TTLL5: variants seen among roughly 807,000 people sequenced by gnomAD.
TTLL5 encodes tubulin polyglutamylase TTLL5.
TTLL5 carries 132 observed loss-of-function variants against 168.4 expected under a neutral mutation model. That is an observed-to-expected ratio of 0.78 (90% CI 0.68 to 0.91). The LOEUF (loss-of-function observed/expected upper bound fraction) is 0.91. Ranked by LOEUF, TTLL5 falls within the 40% of genes least tolerant of loss-of-function variation. TTLL5 has a pLI of 0.00. For missense variants in TTLL5, 1,545 were observed against 1,581.5 expected, an observed-to-expected ratio of 0.98 and a Z score of 0.39; for synonymous variants, 546 against 558.6, an observed-to-expected ratio of 0.98 and a Z score of 0.32.
rs138203461 is a variant in TTLL5 at position 75,951,539 on chromosome 14, T to A, written c.3824-2885T>A. Among the ~76,000 whole-genome samples the A allele has an allele frequency of 5.4e-4, 82 of 151,028 alleles. No individual in the cohort carries two copies. The East Asian group carries it at 0.016, about 29-fold the overall frequency. ...CTTTGGGAGGCCAGCGTGGGAGGAT[T>A]TCTTGAGCCCAGGAGTTCGAGACCA... On this transcript the variant is annotated intron_variant, in intron 31 of 31. Transcript: ENST00000298832.
At position 75,854,314 on chromosome 14, in the gene TTLL5, T is replaced by G. The variant is rs79354491; in HGVS notation, c.3327-9353T>G. Among the ~76,000 whole-genome samples the G allele has an allele frequency of 4.1e-3, 626 of 152,344 alleles. 2 individuals carry two copies. The highest frequency in any genetic ancestry group is 0.02 in the Middle Eastern group (6 of 294). On this transcript the variant is annotated intron_variant, in intron 28 of 31. Coordinates refer to ENST00000298832, the MANE Select transcript of TTLL5 (RefSeq NM_015072.5). The stretch of plus-strand genomic sequence containing the variant: ...TTTGTGTTTGGCTTCTTTCATTCAA[T>G]ACAGTGTTTTTGAGATTCATCTGTT...
At chr14:75,788,518 G>C (rs1277378050) in intron 26 of TTLL5, among the ~76,000 whole-genome samples, 1 of 151,868 alleles carries the variant, frequency 6.6e-6, no homozygotes, top group Non-Finnish European at 1.5e-5. Flanking sequence ...ACATAAAATG[G>C]ACCAAACTCA....
chr14:75,826,141 G>T (rs976860955), intron 28 of TTLL5, among the ~76,000 whole-genome samples: 1 of 152,134 alleles, frequency 6.6e-6, no homozygotes, highest in African/African-American at 2.4e-5. Flanking sequence ...GAAAAACGTG[G>T]ATCTTTCTTA....
rs572146553 is a variant in TTLL5 at position 75,753,104 on chromosome 14, A to G, written c.1550+149A>G. The G allele has an allele frequency of 1.2e-5, 8 of 645,626 alleles. No individual in the cohort carries two copies. In the South Asian group the frequency reaches 2.0e-4, roughly 16 times the overall value. The allele number at this position is 645,626 out of a possible 1,614,324, so 40.0% of individuals were successfully genotyped here. ...TGTAGAAAGCATGCTATCATGACTC[A>G]TTTTTCCAGAATTTATCATGAACTC... On this transcript the variant is annotated intron_variant, in intron 18 of 31. Coordinates refer to ENST00000298832, the MANE Select transcript of TTLL5 (RefSeq NM_015072.5).
intron 20 of TTLL5, among the ~76,000 whole-genome samples, chr14:75,769,106 A>G (rs1027713316): frequency 6.6e-6 from 1 of 152,252 alleles, no homozygotes; most frequent in Admixed American, 6.5e-5. Context: ...CTTTCCAGCA[A>G]TAACATTCTG....
At chr14:75,914,654 T>G (rs528158099) in intron 31 of TTLL5, among the ~76,000 whole-genome samples, 1 of 144,376 alleles carries the variant, frequency 6.9e-6, no homozygotes, top group African/African-American at 2.6e-5. Flanking sequence ...GACGGAGTCT[T>G]GCTCTGTCGC....
intron 27 of TTLL5, 125 bp from the exon 28 acceptor site, chr14:75,819,882 C>T (rs566416664): frequency 9.4e-6 from 10 of 1,058,408 alleles, no homozygotes; most frequent in Admixed American, 3.0e-5. Context: ...GCCTTTGTCA[C>T]AGCCACAGCT....
intron 28 of TTLL5, among the ~76,000 whole-genome samples, chr14:75,858,905 T>A (rs997256934): frequency 6.6e-6 from 1 of 152,172 alleles, no homozygotes; most frequent in Non-Finnish European, 1.5e-5. Flanking sequence ...TACAAGACTA[T>A]TCCTTTCATT....
chr14:75,913,192 G>C (rs990708714), intron 31 of TTLL5, among the ~76,000 whole-genome samples: 1 of 152,100 alleles, frequency 6.6e-6, no homozygotes, highest in South Asian at 2.1e-4. Context: ...CAGTATTCTC[G>C]CTCTATCATG....
At chr14:75,850,406 CAAAAAAAAA>C (rs35336374) in intron 28 of TTLL5, among the ~76,000 whole-genome samples, 4 of 91,292 alleles carry the variant, frequency 4.4e-5, no homozygotes, top group African/African-American at 1.8e-4. Flanking sequence ...AACTCCGTCT[CAAAAAAAAA>C]AAAAAAAAAA....
chr14:75,925,790 T>G (rs2034031969), intron 31 of TTLL5, among the ~76,000 whole-genome samples: 1 of 152,050 alleles, frequency 6.6e-6, no homozygotes, highest in Non-Finnish European at 1.5e-5. Flanking sequence ...AGACTCCGTC[T>G]GCAATCCCGG....
At chr14:75,813,825 A>AT (rs1470512294) in intron 27 of TTLL5, among the ~76,000 whole-genome samples, 1 of 114,392 alleles carries the variant, frequency 8.7e-6, no homozygotes, top group African/African-American at 3.8e-5. Flanking sequence ...CATGGTTTCA[A>AT]TTAAAAAAAA....
chr14:75,803,088 C>G (rs1456379334), intron 27 of TTLL5: 3 of 152,268 alleles, frequency 2.0e-5, no homozygotes, highest in Non-Finnish European at 2.9e-5. Flanking sequence ...GGAACTTGTC[C>G]TTTGTCTCTT....
chr14:75,704,199 T>A lies in TTLL5; in HGVS notation c.586-2819T>A, dbSNP rs139732105. Among the ~76,000 whole-genome samples, 611 of 152,320 alleles carry A rather than the reference T, an allele frequency of 4.0e-3. 3 individuals carry two copies. Among genetic ancestry groups the A allele is most frequent in the East Asian group, 9.6e-3 (50 of 5,190 alleles). On this transcript the variant is annotated intron_variant, in intron 7 of 31. Transcript: ENST00000298832. ...ACCACTATATCATTCTCCTTTACAA[T>A]GACTTAACAGATACCATGAGCTTTA...
At chr14:75,925,452 G>GAT (rs1360980402) in intron 31 of TTLL5, among the ~76,000 whole-genome samples, 4 of 83,296 alleles carry the variant, frequency 4.8e-5, no homozygotes, top group Admixed American at 1.3e-4. Flanking sequence ...CATCCCAGAC[G>GAT]GGGCGGCGGG....
chr14:75,843,164 A>G (rs1566627642), intron 28 of TTLL5, among the ~76,000 whole-genome samples: 1 of 152,202 alleles, frequency 6.6e-6, no homozygotes, highest in Admixed American at 6.5e-5. Flanking sequence ...TTCTCTTTCC[A>G]TCAGTAATAA....
chr14:75,851,489 C>T (rs916819998), intron 28 of TTLL5, among the ~76,000 whole-genome samples: 1 of 152,150 alleles, frequency 6.6e-6, no homozygotes, highest in South Asian at 2.1e-4. Context: ...CTTTCTCATT[C>T]GTCAGTGCTC....
intron 12 of TTLL5, among the ~76,000 whole-genome samples, chr14:75,721,584 G>T (rs1887839822): frequency 2.0e-5 from 3 of 152,138 alleles, no homozygotes; most frequent in Non-Finnish European, 4.4e-5. Context: ...GCCTTAGTTT[G>T]TAACCATGTA....
intron 28 of TTLL5, among the ~76,000 whole-genome samples, chr14:75,823,821 C>A (rs985826498): frequency 1.3e-5 from 2 of 152,142 alleles, no homozygotes; most frequent in African/African-American, 2.4e-5. Flanking sequence ...GAAATGCCAC[C>A]GAGGAGTGGG....
Sources: allele counts gnomAD v4.1 joint callset (sites outside exome capture counted in the v4.1 genomes callset), GRCh38; gene constraint gnomAD v4.1.1; transcripts MANE v1.5; gene names NCBI Gene and HGNC (gene_info 2026-07-23, HGNC 2026-07-21).